Variants in PDLIM5 observed in about 807,000 individuals in gnomAD.
PDLIM5 encodes the protein PDZ and LIM domain 5, also known as PDZ and LIM domain protein 5.
PDLIM5 carries 34 observed loss-of-function variants against 64.2 expected under a neutral mutation model. The ratio of observed to expected loss-of-function variants is 0.53; its 90% CI spans 0.40 to 0.71. PDLIM5 has a LOEUF of 0.71. Ranked by LOEUF, PDLIM5 falls within the 30% of genes least tolerant of loss-of-function variation. The pLI, the probability that PDLIM5 is intolerant of heterozygous loss-of-function variation, is 0.00. For missense variants in PDLIM5, 683 were observed against 733.6 expected, an observed-to-expected ratio of 0.93 and a Z score of 0.80; for synonymous variants, 253 against 269.1, an observed-to-expected ratio of 0.94 and a Z score of 0.59.
rs1299325530 is a variant in PDLIM5 at position 94,468,751 on chromosome 4, T to C, written c.96+13367T>C. ...TTTATTGTTACTACTTACTATCTTT[T>C]AGGAGAAGTGGGTAAATTCTCAGTA... On this transcript the variant is annotated intron_variant, in intron 2 of 12. Transcript: ENST00000317968. 2.6e-5 allele frequency among the ~76,000 whole-genome samples: 4 copies of C among 152,234 alleles called. No individual in the cohort carries two copies. In the East Asian group the frequency reaches 7.7e-4, roughly 29 times the overall value.
At chr4:94,584,712 C>T (rs781015956) in intron 5 of PDLIM5, 6 of 403,206 alleles carry the variant, frequency 1.5e-5, no homozygotes, top group Non-Finnish European at 2.2e-5. Context: ...CTAAACCATA[C>T]TTGGTTCCTG....
intron 2 of PDLIM5, among the ~76,000 whole-genome samples, chr4:94,493,045 T>G (rs1727012386): frequency 6.6e-6 from 1 of 152,222 alleles, no homozygotes; most frequent in Non-Finnish European, 1.5e-5. Flanking sequence ...TGTTATTGTC[T>G]GTAGTCATCT....
At chr4:94,520,010 T>C (rs1729691567) in intron 2 of PDLIM5, among the ~76,000 whole-genome samples, 1 of 152,164 alleles carries the variant, frequency 6.6e-6, no homozygotes, top group Non-Finnish European at 1.5e-5. Flanking sequence ...TTAGATCCTT[T>C]CGTACTGAAG....
At chr4:94,618,286 C>T in intron 8 of PDLIM5, 95 bp downstream of exon 8, 1 of 746,750 alleles carries the variant, frequency 1.3e-6, no homozygotes. Context: ...CTGGTAAAAC[C>T]CATTCTCAAT....
At chr4:94,661,039 G>A (rs1355836668) in intron 11 of PDLIM5, among the ~76,000 whole-genome samples, 5 of 151,996 alleles carry the variant, frequency 3.3e-5, no homozygotes, top group Non-Finnish European at 4.4e-5. Flanking sequence ...AGCCGAGATC[G>A]CGCCACTACA....
intron 2 of PDLIM5, among the ~76,000 whole-genome samples, chr4:94,464,855 G>GT (rs774957611): frequency 2.4e-4 from 36 of 152,276 alleles, no homozygotes; most frequent in Middle Eastern, 3.4e-3. Flanking sequence ...GCAGACAAAA[G>GT]TATTTCCAAA....
At chr4:94,624,189 AC>A (rs1739480588) in intron 8 of PDLIM5, among the ~76,000 whole-genome samples, 1 of 151,264 alleles carries the variant, frequency 6.6e-6, no homozygotes, top group African/African-American at 2.4e-5. Context: ...ATGGTGGTGC[AC>A]GCCTATGGTC....
At chr4:94,455,688 C>T (rs570072474) in intron 2 of PDLIM5, 12 of 1,094,322 alleles carry the variant, frequency 1.1e-5, no homozygotes, top group African/African-American at 6.3e-5. Context: ...TCTGAATCTT[C>T]GTTCTTTCAT....
rs540236180 is a variant in PDLIM5, at chr4:94,663,567, C to T, written c.1702-411C>T. On this transcript the variant is annotated intron_variant, in intron 12 of 12. Coordinates refer to ENST00000317968, the MANE Select transcript of PDLIM5 (RefSeq NM_006457.5). ...CTGTGCCTGTGTAACTGGCAGCAAGCTAATGTTGGGCTTGGGAAGGTTTGG... is the reference window on the plus strand; with the variant it reads ...CTGTGCCTGTGTAACTGGCAGCAAGTTAATGTTGGGCTTGGGAAGGTTTGG... Among the ~76,000 whole-genome samples, 5 of 152,166 alleles carry T rather than the reference C, an allele frequency of 3.3e-5. No homozygotes were observed. The East Asian group carries it at 5.8e-4, about 18-fold the overall frequency.
rs1439446043 is a variant in PDLIM5, at chr4:94,494,439, T to G, written c.97-29285T>G. 6.0e-4 allele frequency among the ~76,000 whole-genome samples: 28 copies of G among 46,576 alleles called. 3 individuals carry two copies. Among genetic ancestry groups the G allele is most frequent in the East Asian group, 1.9e-3 (3 of 1,590 alleles). 30.6% of individuals were successfully genotyped at this position (46,576 alleles called of 152,430 possible). On this transcript the variant is annotated intron_variant, in intron 2 of 12. Transcript: ENST00000317968. Reference sequence around the variant, plus strand: ...ACTAATTTTTTTTTTCTTGTTTTTTTTTTTTTTTTTTTTTTTTGAGACGGA... The same window carrying G: ...ACTAATTTTTTTTTTCTTGTTTTTTGTTTTTTTTTTTTTTTTTGAGACGGA...
intron 9 of PDLIM5, among the ~76,000 whole-genome samples, chr4:94,651,578 C>T (rs780713095): frequency 6.6e-6 from 1 of 152,094 alleles, no homozygotes; most frequent in Admixed American, 6.6e-5. Context: ...AAGCTAACGT[C>T]GAGACTGGAC....
intron 5 of PDLIM5, among the ~76,000 whole-genome samples, chr4:94,583,476 A>G (rs1037573006): frequency 2.0e-5 from 3 of 152,176 alleles, no homozygotes; most frequent in Admixed American, 6.5e-5. Flanking sequence ...TAAAACTATA[A>G]TAAGTTTAGT....
chr4:94,456,553 T>C (rs954599536), intron 2 of PDLIM5: 3 of 718,768 alleles, frequency 4.2e-6, no homozygotes, highest in African/African-American at 3.5e-5. Flanking sequence ...GATCATTCTC[T>C]ATTAATATAT....
Position 94,455,402 on chromosome 4 carries a change from A to G in PDLIM5, c.96+18A>G, listed in dbSNP as rs2126071178. On this transcript the variant is annotated intron_variant, in intron 2 of 12. Transcript: ENST00000317968. ...TCTCTAGTGTAAGTAAACTTTACAA[A>G]TTTTATTATAGATGTTCATTCAGTG... 4 of 1,476,022 alleles carry G rather than the reference A, an allele frequency of 2.7e-6. No individual in the cohort carries two copies. Among genetic ancestry groups the G allele is most frequent in the East Asian group, 2.3e-5 (1 of 44,276 alleles). The allele number at this position is 1,476,022 out of a possible 1,614,324, so 91.4% of individuals were successfully genotyped here.
chr4:94,552,614 A>G (rs1158358622), intron 3 of PDLIM5, among the ~76,000 whole-genome samples: 1 of 152,164 alleles, frequency 6.6e-6, no homozygotes, highest in Non-Finnish European at 1.5e-5. Flanking sequence ...GCAGATAAAT[A>G]TAAAAATCTC....
chr4:94,478,255 C>CAAAA (rs1156675410), intron 2 of PDLIM5, among the ~76,000 whole-genome samples: 2 of 74,494 alleles, frequency 2.7e-5, no homozygotes, highest in African/African-American at 3.5e-5. Context: ...GACTCCGTCT[C>CAAAA]AAAAAAAAAA....
chr4:94,540,775 T>C (rs1459353534), intron 3 of PDLIM5, among the ~76,000 whole-genome samples: 1 of 152,238 alleles, frequency 6.6e-6, no homozygotes, highest in African/African-American at 2.4e-5. Flanking sequence ...TTTTGTTTAG[T>C]ATTTCCCTTT....
At chr4:94,518,945 A>G (rs988427373) in intron 2 of PDLIM5, among the ~76,000 whole-genome samples, 5 of 151,956 alleles carry the variant, frequency 3.3e-5, no homozygotes, top group South Asian at 2.1e-4. Flanking sequence ...TTCTTCACCA[A>G]CATCGCTTTA....
chr4:94,451,964 C>A lies in PDLIM5; in HGVS notation c.-74C>A, dbSNP rs1055623788. ...GTCACTTGTCAGCCCTTGTCTGAGGCGGAGGCAGCCCCGCGCCGCGCCGGA... is the reference window on the plus strand; with the variant it reads ...GTCACTTGTCAGCCCTTGTCTGAGGAGGAGGCAGCCCCGCGCCGCGCCGGA... On this transcript the variant is annotated 5_prime_UTR_variant, in exon 1 of 13. Transcript: ENST00000317968. The A allele has an allele frequency of 6.6e-6, 1 of 152,212 alleles. No homozygotes were observed. The highest frequency in any genetic ancestry group is 2.4e-5 in the African/African-American group (1 of 41,428). The allele number at this position is 152,212 out of a possible 1,614,324, so 9.4% of individuals were successfully genotyped here.
Sources: gnomAD v4.1 joint callset for allele counts (sites outside exome capture counted in the v4.1 genomes callset) on GRCh38, gnomAD v4.1.1 for gene constraint, MANE v1.5 for transcripts, NCBI Gene and HGNC (gene_info 2026-07-23, HGNC 2026-07-21) for gene names.